NUDT3: variants seen among roughly 807,000 people sequenced by gnomAD.
NUDT3 encodes the protein diphosphoinositol polyphosphate phosphohydrolase 1.
NUDT3 carries 9 observed loss-of-function variants against 23.6 expected under a neutral mutation model. The ratio of observed to expected loss-of-function variants is 0.38; its 90% CI spans 0.23 to 0.66. The LOEUF (loss-of-function observed/expected upper bound fraction) is 0.66, where lower values mean the gene tolerates loss of function less well. Among genes scored for constraint, NUDT3 ranks in the 30% least tolerant of loss-of-function variants. The pLI, the probability that NUDT3 is intolerant of heterozygous loss-of-function variation, is 0.52. For missense variants in NUDT3, 172 were observed against 218.5 expected (o/e 0.79, Z 1.34); for synonymous variants, 86 against 82.6 (o/e 1.04, Z -0.22).
At chr6:34,319,754 C>G (rs1376224771) in intron 2 of NUDT3, among the ~76,000 whole-genome samples, 1 of 152,316 alleles carries the variant, frequency 6.6e-6, no homozygotes, top group Middle Eastern at 3.4e-3. Flanking sequence ...AGGATTTCTT[C>G]CTCTAACATA....
At chr6:34,294,796 T>C (rs115873010) in intron 3 of NUDT3, among the ~76,000 whole-genome samples, 1,619 of 151,162 alleles carry the variant, frequency 0.011, 30 homozygotes, top group African/African-American at 0.037. Context: ...ATTTTTATTT[T>C]GTAAACTTTT....
intron 1 of NUDT3, among the ~76,000 whole-genome samples, chr6:34,364,798 C>T (rs1293132301): frequency 6.6e-6 from 1 of 152,130 alleles, no homozygotes; most frequent in African/African-American, 2.4e-5. Context: ...CTTTGGGAGG[C>T]TGAGGCGGGC....
At chr6:34,328,618 C>T (rs896661988) in intron 2 of NUDT3, among the ~76,000 whole-genome samples, 2 of 152,048 alleles carry the variant, frequency 1.3e-5, no homozygotes, top group African/African-American at 4.8e-5. Flanking sequence ...TGATGCTAGG[C>T]TCAAGCAATC....
intron 2 of NUDT3, among the ~76,000 whole-genome samples, chr6:34,297,761 T>TATATATATA (rs60304042): frequency 3.9e-5 from 3 of 77,546 alleles, no homozygotes; most frequent in African/African-American, 2.1e-4. Flanking sequence ...ATATATATAA[T>TATATATATA]TTTTTTTTTT....
intron 2 of NUDT3, among the ~76,000 whole-genome samples, chr6:34,340,110 G>A (rs1037442348): frequency 2.0e-5 from 3 of 152,100 alleles, no homozygotes; most frequent in Non-Finnish European, 4.4e-5. Context: ...TGTGTGTCCT[G>A]CATTTGAAAA....
intron 2 of NUDT3, among the ~76,000 whole-genome samples, chr6:34,318,254 G>A (rs973920173): frequency 6.6e-6 from 1 of 152,108 alleles, no homozygotes; most frequent in Non-Finnish European, 1.5e-5. Flanking sequence ...ACAATTGCTC[G>A]ATTGCTTCAC....
At chr6:34,374,359 C>T (rs1764887630) in intron 1 of NUDT3, among the ~76,000 whole-genome samples, 1 of 152,100 alleles carries the variant, frequency 6.6e-6, no homozygotes, top group African/African-American at 2.4e-5. Flanking sequence ...CTTCCAGGTT[C>T]ACAAATGTAA....
At chr6:34,299,760 C>G (rs548274873) in intron 2 of NUDT3, among the ~76,000 whole-genome samples, 1 of 151,664 alleles carries the variant, frequency 6.6e-6, no homozygotes, top group South Asian at 2.1e-4. Flanking sequence ...ACAAAAATTA[C>G]CCGGGCGTGG....
At chr6:34,342,266 C>CTT (rs1176964450) in intron 1 of NUDT3, among the ~76,000 whole-genome samples, 2 of 133,294 alleles carry the variant, frequency 1.5e-5, no homozygotes, top group African/African-American at 5.7e-5. Flanking sequence ...GAACACAGAC[C>CTT]TGACAAGGTG....
At chr6:34,288,952 G>C (rs1328220504) in intron 4 of NUDT3, 21 bp from the exon 5 acceptor site, 1 of 1,585,562 alleles carries the variant, frequency 6.3e-7, no homozygotes, top group East Asian at 2.3e-5. Flanking sequence ...AGAGAGAAAA[G>C]AAACTAGTAC....
chr6:34,303,197 A>AT (rs55915428), intron 2 of NUDT3, among the ~76,000 whole-genome samples: 3,396 of 74,550 alleles, frequency 0.046, 321 homozygotes, highest in African/African-American at 0.098. Context: ...ATACCTGGCA[A>AT]TTTTTTTTTT....
chr6:34,375,022 C>T (rs1764898216), intron 1 of NUDT3, among the ~76,000 whole-genome samples: 2 of 152,166 alleles, frequency 1.3e-5, no homozygotes, highest in African/African-American at 2.4e-5. Flanking sequence ...AATATAAATT[C>T]CACCTCCTTT....
intron 1 of NUDT3, among the ~76,000 whole-genome samples, chr6:34,376,644 C>G (rs1165186114): frequency 6.6e-6 from 1 of 152,124 alleles, no homozygotes; most frequent in African/African-American, 2.4e-5. Context: ...TCACTTAATA[C>G]TTCATTCCAT....
intron 2 of NUDT3, among the ~76,000 whole-genome samples, chr6:34,308,388 G>T (rs150781420): frequency 6.6e-6 from 1 of 150,848 alleles, no homozygotes; most frequent in Non-Finnish European, 1.5e-5. Context: ...TTGAGGCTGG[G>T]AGGTCGAGAC....
chr6:34,367,924 C>A (rs1270319101), intron 1 of NUDT3, among the ~76,000 whole-genome samples: 1 of 152,216 alleles, frequency 6.6e-6, no homozygotes, highest in Non-Finnish European at 1.5e-5. Context: ...GTATCTTGGC[C>A]AGGCGCAGTG....
At chr6:34,306,087 C>CACTT (rs1275412456) in intron 2 of NUDT3, among the ~76,000 whole-genome samples, 28 of 152,292 alleles carry the variant, frequency 1.8e-4, no homozygotes, top group South Asian at 8.3e-4. Flanking sequence ...ACTTTTCAAT[C>CACTT]ACTTTCTAAA....
intron 2 of NUDT3, among the ~76,000 whole-genome samples, chr6:34,320,103 C>G (rs973227758): frequency 6.6e-6 from 1 of 152,100 alleles, no homozygotes; most frequent in Non-Finnish European, 1.5e-5. Flanking sequence ...TTTGAAAATA[C>G]TCTTGAAAAG....
At chr6:34,315,883 T>A (rs528742741) in intron 2 of NUDT3, among the ~76,000 whole-genome samples, 1 of 152,328 alleles carries the variant, frequency 6.6e-6, no homozygotes, top group Non-Finnish European at 1.5e-5. Context: ...CACATGGCCA[T>A]AAATAGCTGA....
chr6:34,330,317 T>G (rs560960955), intron 2 of NUDT3, among the ~76,000 whole-genome samples: 51 of 152,316 alleles, frequency 3.3e-4, no homozygotes, highest in African/African-American at 1.2e-3. Flanking sequence ...ACCTGTTGTT[T>G]CCTGACTTTT....
Sources: gnomAD v4.1 joint callset for allele counts (sites outside exome capture counted in the v4.1 genomes callset) on GRCh38, gnomAD v4.1.1 for gene constraint, MANE v1.5 for transcripts, NCBI Gene and HGNC (gene_info 2026-07-23, HGNC 2026-07-21) for gene names.